Variants in TMC8 observed in about 807,000 individuals in gnomAD.
The protein encoded by TMC8 is transmembrane channel-like protein 8.
Under a neutral mutation model 76.0 loss-of-function variants are expected in TMC8, and 71 were observed. That is an observed-to-expected ratio of 0.93 (90% CI 0.77 to 1.14). TMC8 has a LOEUF of 1.14. Among genes scored for constraint, TMC8 ranks in the 50% most tolerant of loss-of-function variants. The pLI is 0.00. For synonymous variants in TMC8, 433 were observed against 433.8 expected, an observed-to-expected ratio of 1.00 and a Z score of 0.02; for missense variants, 924 against 947.9, an observed-to-expected ratio of 0.97 and a Z score of 0.33.
At chr17:78,137,581 G>A in intron 10 of TMC8, 136 bp from the exon 11 acceptor site, 1 of 1,117,130 alleles carries the variant, frequency 9.0e-7, no homozygotes, top group Non-Finnish European at 1.3e-6. Flanking sequence ...CATCCTCAAG[G>A]CCTGGGTTTC....
chr17:78,131,536 A>G lies in TMC8; in HGVS notation c.-53A>G, dbSNP rs928548750. 22 of 1,534,788 alleles carry G rather than the reference A, an allele frequency of 1.4e-5. No homozygotes were observed. The highest frequency in any genetic ancestry group is 1.8e-5 in the Non-Finnish European group (21 of 1,145,414). ...TTAAGGCTCATCCAACCGGGGACTC[A>G]TATCCCCCCCACCGGCAGCCCGGCG... On this transcript the variant is annotated 5_prime_UTR_variant, in exon 2 of 16. Coordinates refer to ENST00000318430, the MANE Select transcript of TMC8 (RefSeq NM_152468.5).
At position 78,138,739 on chromosome 17, in the gene TMC8, A is replaced by G; in HGVS notation, c.1823+7A>G. 10 of 1,605,512 alleles carry G rather than the reference A, an allele frequency of 6.2e-6. No homozygotes were observed. The highest frequency in any genetic ancestry group is 8.5e-6 in the Non-Finnish European group (10 of 1,179,848). On this transcript the variant is annotated splice_region_variant and intron_variant, in intron 14 of 15. Transcript: ENST00000318430. ...CCCTCCTCATCATGCTCAGGTTCTC[A>G]GGGCAGCCGGGGCCATGGGAGGGGA...
intron 2 of TMC8, 25 bp downstream of exon 2, chr17:78,131,762 G>T: frequency 6.4e-7 from 1 of 1,565,860 alleles, no homozygotes; most frequent in South Asian, 1.2e-5. Flanking sequence ...GGCGCCAGAC[G>T]GTGCGTGGGG....
In TMC8 at chr17:78,141,161, C is replaced by T. The variant is rs761365793; in HGVS notation, c.*49C>T. Reference sequence around the variant, plus strand: ...CCTCCCTGGGGCCCCTTCAGGCCTCCTTACTCCATCTTCCAGACCCCTGGC... The same window carrying T: ...CCTCCCTGGGGCCCCTTCAGGCCTCTTTACTCCATCTTCCAGACCCCTGGC... On this transcript the variant is annotated 3_prime_UTR_variant, in exon 16 of 16. Coordinates refer to ENST00000318430, the MANE Select transcript of TMC8 (RefSeq NM_152468.5). The T allele has an allele frequency of 1.4e-6, 2 of 1,465,844 alleles. No homozygotes were observed. The highest frequency in any genetic ancestry group is 1.8e-6 in the Non-Finnish European group (2 of 1,110,570). 90.8% of individuals were successfully genotyped at this position (1,465,844 alleles called of 1,614,324 possible). A position where few individuals can be genotyped will look rare whatever the true frequency, so the allele number is the denominator to read the frequency against.
Position 78,137,226 on chromosome 17 carries a change from T to C in TMC8, c.1128-9T>C. On this transcript the variant is annotated splice_polypyrimidine_tract_variant and intron_variant, in intron 9 of 15. Coordinates refer to ENST00000318430, the MANE Select transcript of TMC8 (RefSeq NM_152468.5). Reference sequence around the variant, plus strand: ...GGGCCCCTCCACCTGACAAGGTCCCTGCCCCCAGGTGCGTGGTGCTGAAGC... The same window carrying C: ...GGGCCCCTCCACCTGACAAGGTCCCCGCCCCCAGGTGCGTGGTGCTGAAGC... 6.2e-7 allele frequency: 1 copy of C among 1,613,590 alleles called. No homozygotes were observed. The highest frequency in any genetic ancestry group is 1.1e-5 in the South Asian group (1 of 91,076).
chr17:78,133,326 G>C, intron 5 of TMC8, 80 bp from the exon 6 acceptor site: 6 of 1,606,824 alleles, frequency 3.7e-6, no homozygotes, highest in Non-Finnish European at 4.2e-6. Context: ...TTGCACGGGG[G>C]CTAACAAGAT....
intron 7 of TMC8, 54 bp from the exon 8 acceptor site, chr17:78,134,340 T>C: frequency 6.3e-7 from 1 of 1,593,432 alleles, no homozygotes; most frequent in South Asian, 1.1e-5. Context: ...CTGCACCCTT[T>C]CCTCCCATGC....
intron 10 of TMC8, 79 bp downstream of exon 10, chr17:78,137,437 T>C (rs1044881748): frequency 3.4e-5 from 55 of 1,607,096 alleles, no homozygotes; most frequent in Non-Finnish European, 4.4e-5. Flanking sequence ...AGAGCCCTGT[T>C]CCTGCCCCTT....
intron 14 of TMC8, 96 bp downstream of exon 14, chr17:78,138,828 C>G: frequency 6.4e-7 from 1 of 1,574,264 alleles, no homozygotes; most frequent in Non-Finnish European, 8.6e-7. Context: ...CAACCAGGAG[C>G]CAGACGCAGA....
Position 78,141,152 on chromosome 17 carries a change from T to C in TMC8, c.*40T>C. The stretch of plus-strand genomic sequence containing the variant: ...TCCCCGAAGCCTCCCTGGGGCCCCT[T>C]CAGGCCTCCTTACTCCATCTTCCAG... On this transcript the variant is annotated 3_prime_UTR_variant, in exon 16 of 16. Coordinates refer to ENST00000318430, the MANE Select transcript of TMC8 (RefSeq NM_152468.5). 6.7e-7 allele frequency: 1 copy of C among 1,501,824 alleles called. No homozygotes were observed. The highest frequency in any genetic ancestry group is 8.8e-7 in the Non-Finnish European group (1 of 1,132,170). The allele number at this position is 1,501,824 out of a possible 1,614,324, so 93.0% of individuals were successfully genotyped here.
At chr17:78,137,091 T>A in intron 9 of TMC8, 144 bp from the exon 10 acceptor site, 1 of 1,310,004 alleles carries the variant, frequency 7.6e-7, no homozygotes, top group Non-Finnish European at 1.1e-6. Context: ...TTGGACCACA[T>A]TGCCACAGAC....
At chr17:78,137,510 G>T in intron 10 of TMC8, 152 bp downstream of exon 10, 1 of 1,350,626 alleles carries the variant, frequency 7.4e-7, no homozygotes, top group Non-Finnish European at 1.0e-6. Flanking sequence ...TCCAGGGGGC[G>T]CCACTGCTGC....
At chr17:78,140,674 G>A (rs542451500) in intron 15 of TMC8, among the ~76,000 whole-genome samples, 160 bp from the exon 16 acceptor site, 1 of 151,710 alleles carries the variant, frequency 6.6e-6, no homozygotes, top group South Asian at 2.1e-4. Context: ...GCCCTGGGAG[G>A]GTGTGGCCTC....
chr17:78,139,087 TG>T, intron 14 of TMC8, 74 bp from the exon 15 acceptor site: 1 of 1,595,040 alleles, frequency 6.3e-7, no homozygotes. Flanking sequence ...GAGATTGAGG[TG>T]GGGAGAGAGG....
intron 8 of TMC8, 43 bp from the exon 9 acceptor site, chr17:78,134,827 G>T: frequency 3.1e-6 from 5 of 1,610,936 alleles, no homozygotes; most frequent in Non-Finnish European, 3.4e-6. Flanking sequence ...GCAGACAGGG[G>T]CCCCCCAGCA....
In TMC8 at chr17:78,134,423, G is replaced by A. The variant is rs1462557121; in HGVS notation, c.846G>A (p.Gln282=). 6.2e-7 allele frequency: 1 copy of A among 1,613,148 alleles called. No homozygotes were observed. Among genetic ancestry groups the A allele is most frequent in the East Asian group, 2.2e-5 (1 of 44,882 alleles). Residue 282 remains glutamine (Q), a synonymous_variant, in exon 8 of 16, where the codon CAG becomes CAA. Transcript: ENST00000318430. ...KVELEEGRRF[Q]LMQQQTRAQT... is the part of the protein sequence containing the mutation. ...AGCTGGAGGAGGGCCGTCGCTTCCA[G>A]CTGATGCAGCAGCAGACCCGGGCCC...
At position 78,133,477 on chromosome 17, in the gene TMC8, C is replaced by T. The variant is rs143490752; in HGVS notation, c.603C>T (p.Ile201=). ...VGPESSSVYS[I]RLAYLLSPLA... is the part of the protein sequence containing the mutation. The stretch of plus-strand genomic sequence containing the variant: ...CGGAGAGCAGCTCCGTGTACAGCAT[C>T]CGCCTGGCCTACCTCCTCAGCCCGC... The change falls in exon 6 of 16, where the codon ATC becomes ATT. Residue 201 remains isoleucine (I), a synonymous_variant. Coordinates refer to ENST00000318430, the MANE Select transcript of TMC8 (RefSeq NM_152468.5). 6.2e-7 allele frequency: 1 copy of T among 1,613,622 alleles called. No homozygotes were observed. Among genetic ancestry groups the T allele is most frequent in the African/African-American group, 1.3e-5 (1 of 74,926 alleles).
At position 78,132,479 on chromosome 17, in the gene TMC8, C is replaced by T. The variant is rs867148573; in HGVS notation, c.419C>T (p.Pro140Leu). The change falls in exon 4 of 16, where the codon CCC (proline) becomes CTC (leucine). Residue 140 changes from proline to leucine, a missense_variant. Physicochemically the swap from Pro to Leu is moderately conservative, Grantham distance 98. Coordinates refer to ENST00000318430, the MANE Select transcript of TMC8 (RefSeq NM_152468.5). ...CTGCTGCCCCTGGTCTGGCTCCGCC[C>T]CCCTGACCCAGGCCCCACCCTGAAC... ...FVLLPLVWLR[P>L]PDPGPTLNLT... The T allele has an allele frequency of 6.2e-7, 1 of 1,611,640 alleles. No individual in the cohort carries two copies. The highest frequency in any genetic ancestry group is 8.5e-7 in the Non-Finnish European group (1 of 1,179,322).
At chr17:78,132,127 C>T (rs2075008407) in intron 3 of TMC8, 97 bp downstream of exon 3, 2 of 1,517,036 alleles carry the variant, frequency 1.3e-6, no homozygotes, top group African/African-American at 1.4e-5. Context: ...CTGCCTTCAC[C>T]CGGGTCCCCC....
Sources: allele counts gnomAD v4.1 joint callset (sites outside exome capture counted in the v4.1 genomes callset), GRCh38; gene constraint gnomAD v4.1.1; transcripts MANE v1.5; gene names NCBI Gene and HGNC (gene_info 2026-07-23, HGNC 2026-07-21).